The following NR6A1 variants were observed in gnomAD, a reference collection of about 807,000 sequenced individuals.
The protein encoded by NR6A1 is retinoic acid receptor-related testis-associated receptor.
NR6A1 carries 7 observed loss-of-function variants against 59.1 expected under a neutral mutation model. The ratio of observed to expected loss-of-function variants is 0.12; its 90% CI spans 0.07 to 0.22. The LOEUF (loss-of-function observed/expected upper bound fraction) is 0.22, where lower values mean the gene tolerates loss of function less well. Ranked by LOEUF, NR6A1 falls within the 10% of genes least tolerant of loss-of-function variation. The pLI, the probability that NR6A1 is intolerant of heterozygous loss-of-function variation, is 1.00. For synonymous variants in NR6A1, 243 were observed against 236.1 expected (o/e 1.03, Z -0.27); for missense variants, 468 against 611.6 (o/e 0.77, Z 2.48).
rs755233727 is a variant in NR6A1, at chr9:124,538,322, G to A, written c.597-3C>T. On this transcript the variant is annotated splice_region_variant and splice_polypyrimidine_tract_variant and intron_variant, in intron 5 of 9. Transcript: ENST00000487099. ...ATCCATTCAGTTCCACAGACCTACT[G>A]GAGAGAAAAGTCTTGCGTCAAACAG... 17 of 1,610,126 alleles carry A rather than the reference G, an allele frequency of 1.1e-5. No homozygotes were observed. The highest frequency in any genetic ancestry group is 1.4e-5 in the Non-Finnish European group (17 of 1,176,976).
chr9:124,586,555 C>G (rs1159453157), intron 2 of NR6A1, among the ~76,000 whole-genome samples: 1 of 152,090 alleles, frequency 6.6e-6, no homozygotes, highest in Non-Finnish European at 1.5e-5. Flanking sequence ...AAGCAATCCT[C>G]CTGCCTCAGT....
chr9:124,702,352 G>A (rs1354641095), intron 2 of NR6A1, among the ~76,000 whole-genome samples: 1 of 151,976 alleles, frequency 6.6e-6, no homozygotes, highest in Non-Finnish European at 1.5e-5. Context: ...ATCATTTCTG[G>A]AAAAAAACTA....
intron 2 of NR6A1, among the ~76,000 whole-genome samples, chr9:124,634,209 A>C (rs1197139166): frequency 5.3e-5 from 8 of 152,242 alleles, no homozygotes; most frequent in Admixed American, 5.2e-4. Context: ...GGCCTATAGA[A>C]AATACCCAAG....
intron 1 of NR6A1, among the ~76,000 whole-genome samples, chr9:124,750,192 T>C (rs1257370321): frequency 2.6e-5 from 4 of 152,232 alleles, no homozygotes; most frequent in Non-Finnish European, 5.9e-5. Context: ...TATTCACTCT[T>C]CATCTTGTAT....
At chr9:124,708,992 G>A (rs961041551) in intron 2 of NR6A1, among the ~76,000 whole-genome samples, 29 of 152,184 alleles carry the variant, frequency 1.9e-4, no homozygotes, top group African/African-American at 6.0e-4. Flanking sequence ...CAGTAACTGC[G>A]TGACCTGAAT....
At chr9:124,715,121 C>T (rs1161445494) in intron 2 of NR6A1, among the ~76,000 whole-genome samples, 2 of 151,866 alleles carry the variant, frequency 1.3e-5, no homozygotes, top group Non-Finnish European at 2.9e-5. Context: ...TCGCTTGAAC[C>T]CAGGAGGCAG....
At position 124,749,817 on chromosome 9, in the gene NR6A1, T is replaced by C. The variant is rs1429633652; in HGVS notation, c.101-16468A>G. Among the ~76,000 whole-genome samples the C allele has an allele frequency of 2.6e-5, 4 of 152,202 alleles. No individual in the cohort carries two copies. The East Asian group carries it at 7.7e-4, about 29-fold the overall frequency. On this transcript the variant is annotated intron_variant, in intron 1 of 9. Transcript: ENST00000487099. The stretch of plus-strand genomic sequence containing the variant: ...TCTTTACAGTTTTTGATACCTATTA[T>C]AAGTTCCACAGGCTTAGAAGTTCCT...
At chr9:124,547,693 A>ACCTACC (rs1469515572) in intron 3 of NR6A1, among the ~76,000 whole-genome samples, 3 of 152,232 alleles carry the variant, frequency 2.0e-5, no homozygotes, top group African/African-American at 7.2e-5. Flanking sequence ...CGAAAAATGC[A>ACCTACC]TAACCTGCAT....
chr9:124,602,065 G>A (rs973978362), intron 2 of NR6A1, among the ~76,000 whole-genome samples: 3 of 152,224 alleles, frequency 2.0e-5, no homozygotes, highest in African/African-American at 2.4e-5. Context: ...ATTTAAATAT[G>A]TGTAAGACAT....
intron 2 of NR6A1, among the ~76,000 whole-genome samples, chr9:124,723,980 G>C (rs1319474964): frequency 2.0e-5 from 3 of 152,138 alleles, no homozygotes; most frequent in Non-Finnish European, 4.4e-5. Flanking sequence ...ACACAAACGT[G>C]TTCACTGTGG....
At chr9:124,656,589 T>C (rs1837265205) in intron 2 of NR6A1, among the ~76,000 whole-genome samples, 1 of 152,138 alleles carries the variant, frequency 6.6e-6, no homozygotes, top group Non-Finnish European at 1.5e-5. Flanking sequence ...TCTAGGATTT[T>C]GGGAGGCCAA....
intron 2 of NR6A1, among the ~76,000 whole-genome samples, chr9:124,634,894 G>A (rs1836556519): frequency 6.6e-6 from 1 of 152,130 alleles, no homozygotes; most frequent in Non-Finnish European, 1.5e-5. Flanking sequence ...AAGGTTTAGA[G>A]ATTTCCCATA....
chr9:124,554,010 C>G (rs182078382), intron 3 of NR6A1, among the ~76,000 whole-genome samples: 6 of 152,100 alleles, frequency 3.9e-5, no homozygotes, highest in Non-Finnish European at 8.8e-5. Context: ...GCCTTTTCAT[C>G]CAAAAATTTC....
Position 124,522,654 on chromosome 9 carries a change from C to T in NR6A1, c.*51G>A. The T allele has an allele frequency of 6.8e-7, 1 of 1,471,514 alleles. No individual in the cohort carries two copies. Among genetic ancestry groups the T allele is most frequent in the African/African-American group, 1.4e-5 (1 of 71,638 alleles). The allele number at this position is 1,471,514 out of a possible 1,614,324, so 91.2% of individuals were successfully genotyped here. On this transcript the variant is annotated 3_prime_UTR_variant, in exon 10 of 10. Transcript: ENST00000487099. Reference sequence around the variant, plus strand: ...TCTGGCTTTTCCCTCCAGAGCCTGTCCTGCCCACCCAAGACGCTGTGGTTG... The same window carrying T: ...TCTGGCTTTTCCCTCCAGAGCCTGTTCTGCCCACCCAAGACGCTGTGGTTG...
chr9:124,648,237 G>A lies in NR6A1; in HGVS notation c.142+85071C>T, dbSNP rs566882975. On this transcript the variant is annotated intron_variant, in intron 2 of 9. Coordinates refer to ENST00000487099, the MANE Select transcript of NR6A1 (RefSeq NM_033334.4). ...ACATAGTGGTTGTAATCCACCACAC[G>A]CCTGTAATCCAGCACTTTGGGTGGC... is the stretch of plus-strand genomic sequence containing the variant. Among the ~76,000 whole-genome samples, 60 of 152,150 alleles carry A rather than the reference G, an allele frequency of 3.9e-4. 1 individual carries two copies. The South Asian group carries it at 0.012, about 31-fold the overall frequency.
intron 2 of NR6A1, among the ~76,000 whole-genome samples, chr9:124,682,541 ATTC>A (rs1196154157): frequency 2.6e-5 from 4 of 152,216 alleles, no homozygotes; most frequent in Admixed American, 6.5e-5. Context: ...AAACAATGTC[ATTC>A]TTCTCACCAA....
At chr9:124,663,200 A>G (rs924147583) in intron 2 of NR6A1, among the ~76,000 whole-genome samples, 7 of 152,230 alleles carry the variant, frequency 4.6e-5, no homozygotes, top group African/African-American at 1.7e-4. Context: ...ACCGAGTGCA[A>G]CAAATGGTAC....
intron 2 of NR6A1, among the ~76,000 whole-genome samples, chr9:124,729,788 G>A (rs1839830256): frequency 6.6e-6 from 1 of 151,396 alleles, no homozygotes; most frequent in South Asian, 2.1e-4. Context: ...GGTACAAACT[G>A]AAATAAAATT....
intron 2 of NR6A1, among the ~76,000 whole-genome samples, chr9:124,653,549 T>C (rs1055610): frequency 6.6e-6 from 1 of 152,204 alleles, no homozygotes; most frequent in African/African-American, 2.4e-5. Context: ...TAACTAGAAC[T>C]ACAGGCACAT....
Sources: gnomAD v4.1 joint callset for allele counts (sites outside exome capture counted in the v4.1 genomes callset) on GRCh38, gnomAD v4.1.1 for gene constraint, MANE v1.5 for transcripts, NCBI Gene and HGNC (gene_info 2026-07-23, HGNC 2026-07-21) for gene names.